SPIRE1: variants seen among roughly 807,000 people sequenced by gnomAD.
SPIRE1 encodes spire type actin nucleation factor 1.
SPIRE1 carries 40 observed loss-of-function variants against 94.1 expected under a neutral mutation model. That is an observed-to-expected ratio of 0.43 (90% CI 0.33 to 0.55). The LOEUF is 0.55. Among genes scored for constraint, SPIRE1 ranks in the 20% least tolerant of loss-of-function variants. The pLI is 0.06. For missense variants in SPIRE1, 838 were observed against 975.2 expected, an observed-to-expected ratio of 0.86 and a Z score of 1.87; for synonymous variants, 376 against 371.7, an observed-to-expected ratio of 1.01 and a Z score of -0.13.
chr18:12,583,607 A>G (rs1251249412), intron 2 of SPIRE1, among the ~76,000 whole-genome samples: 1 of 151,682 alleles, frequency 6.6e-6, no homozygotes, highest in African/African-American at 2.4e-5. Flanking sequence ...TCTCCAAAAA[A>G]GAAGAAGAAG....
At chr18:12,551,593 T>G (rs544920540) in intron 2 of SPIRE1, among the ~76,000 whole-genome samples, 19 of 151,834 alleles carry the variant, frequency 1.3e-4, no homozygotes, top group African/African-American at 3.9e-4. Context: ...TAGTCCCAGC[T>G]ACTCAGGAGG....
chr18:12,640,079 C>A (rs1171812252), intron 1 of SPIRE1, among the ~76,000 whole-genome samples: 3 of 152,140 alleles, frequency 2.0e-5, no homozygotes, highest in Admixed American at 1.3e-4. Context: ...GATCATTTCA[C>A]CATGGGTCTG....
At chr18:12,494,022 A>T (rs1027778795) in intron 7 of SPIRE1, among the ~76,000 whole-genome samples, 1 of 152,040 alleles carries the variant, frequency 6.6e-6, no homozygotes, top group Non-Finnish European at 1.5e-5. Context: ...CGTCTACCTC[A>T]GCCTCCTGAG....
At chr18:12,476,780 C>T (rs1005820407) in intron 10 of SPIRE1, among the ~76,000 whole-genome samples, 8 of 151,752 alleles carry the variant, frequency 5.3e-5, no homozygotes, top group African/African-American at 1.9e-4. Flanking sequence ...TACTTAAAAA[C>T]ATCAATTTTA....
rs1555634099 is a variant in SPIRE1, at chr18:12,626,887, T to TATA, written c.372+8174_372+8175insTAT. 5.7e-3 allele frequency among the ~76,000 whole-genome samples: 303 copies of TATA among 53,500 alleles called. 1 individual carries two copies. Among genetic ancestry groups the TATA allele is most frequent in the Middle Eastern group, 0.034 (2 of 58 alleles). The allele number at this position is 53,500 out of a possible 152,430, so 35.1% of individuals were successfully genotyped here. On this transcript the variant is annotated intron_variant, in intron 2 of 16. Transcript: ENST00000409402. The stretch of plus-strand genomic sequence containing the variant: ...TGTAAAATATATATATATATATATA[T>TATA]TTTTTTTTTTTTTTTGCCCAGAGGA...
At chr18:12,633,663 C>T (rs1445896469) in intron 2 of SPIRE1, among the ~76,000 whole-genome samples, 1 of 151,980 alleles carries the variant, frequency 6.6e-6, no homozygotes, top group Non-Finnish European at 1.5e-5. Context: ...AATATAATCC[C>T]TTGGGAAGCC....
At chr18:12,596,460 A>G (rs1465491547) in intron 2 of SPIRE1, among the ~76,000 whole-genome samples, 1 of 152,206 alleles carries the variant, frequency 6.6e-6, no homozygotes, top group African/African-American at 2.4e-5. Flanking sequence ...CACTTTGAGT[A>G]CTTAAACCTC....
intron 2 of SPIRE1, among the ~76,000 whole-genome samples, chr18:12,590,111 G>C (rs897490734): frequency 6.9e-6 from 1 of 145,638 alleles, no homozygotes; most frequent in African/African-American, 2.6e-5. Context: ...TTTTGAGACG[G>C]AGTTTCACTC....
intron 1 of SPIRE1, among the ~76,000 whole-genome samples, chr18:12,644,047 A>AT (rs1031251831): frequency 7.1e-6 from 1 of 141,256 alleles, no homozygotes; most frequent in African/African-American, 2.5e-5. Flanking sequence ...AAAAAAAAAA[A>AT]AATTAGCTGG....
chr18:12,620,889 C>A (rs145211283), intron 2 of SPIRE1, among the ~76,000 whole-genome samples: 2,287 of 152,038 alleles, frequency 0.015, 16 homozygotes, highest in Middle Eastern at 0.031. Context: ...AAAATATTGG[C>A]AAATCATGTA....
At chr18:12,629,532 G>C (rs1033525764) in intron 2 of SPIRE1, among the ~76,000 whole-genome samples, 1 of 152,138 alleles carries the variant, frequency 6.6e-6, no homozygotes, top group Admixed American at 6.5e-5. Flanking sequence ...ACTAGGAAGG[G>C]AGAAATATGG....
chr18:12,569,309 C>G (rs1054006798), intron 2 of SPIRE1, among the ~76,000 whole-genome samples: 2 of 149,584 alleles, frequency 1.3e-5, no homozygotes, highest in Non-Finnish European at 3.0e-5. Context: ...CCAATGCACT[C>G]CTGCCTGGGC....
chr18:12,488,612 C>T lies in SPIRE1; in HGVS notation c.1190-2612G>A, dbSNP rs114040510. On this transcript the variant is annotated intron_variant, in intron 8 of 16. Coordinates refer to ENST00000409402, the MANE Select transcript of SPIRE1 (RefSeq NM_001128626.2). ...AAAGCTCAATATTAAAAAAAAATGACGTGAAGGAAAAGTACTTATTTACAT... is the reference window on the plus strand; with the variant it reads ...AAAGCTCAATATTAAAAAAAAATGATGTGAAGGAAAAGTACTTATTTACAT... Among the ~76,000 whole-genome samples the T allele has an allele frequency of 8.2e-3, 1,246 of 151,870 alleles. 23 individuals carry two copies. Among genetic ancestry groups the T allele is most frequent in the African/African-American group, 0.028 (1,145 of 41,390 alleles).
intron 2 of SPIRE1, among the ~76,000 whole-genome samples, chr18:12,606,738 C>T (rs142174202): frequency 5.9e-5 from 9 of 152,236 alleles, no homozygotes; most frequent in African/African-American, 2.2e-4. Flanking sequence ...GCCATGTTGG[C>T]CAGGCTGCTC....
At chr18:12,560,534 A>T (rs1397811269) in intron 2 of SPIRE1, among the ~76,000 whole-genome samples, 1 of 152,220 alleles carries the variant, frequency 6.6e-6, no homozygotes, top group East Asian at 1.9e-4. Flanking sequence ...GCTAAAAATT[A>T]AAACAATTGA....
chr18:12,567,877 T>C lies in SPIRE1; in HGVS notation c.373-20973A>G, dbSNP rs577396324. Among the ~76,000 whole-genome samples, 13 of 152,334 alleles carry C rather than the reference T, an allele frequency of 8.5e-5. No homozygotes were observed. The East Asian group carries it at 2.3e-3, about 27-fold the overall frequency. ...ACAAATCAAGTAAGAATTTACTACG[T>C]TTCCCATTTCACTTCTAGAAATGCC... On this transcript the variant is annotated intron_variant, in intron 2 of 16. Coordinates refer to ENST00000409402, the MANE Select transcript of SPIRE1 (RefSeq NM_001128626.2).
chr18:12,513,055 T>TA (rs2034086906), intron 4 of SPIRE1, among the ~76,000 whole-genome samples: 1 of 152,166 alleles, frequency 6.6e-6, no homozygotes, highest in South Asian at 2.1e-4. Flanking sequence ...ATTATACCTC[T>TA]AACAGCTCTT....
At chr18:12,535,406 T>C in intron 4 of SPIRE1, 70 bp downstream of exon 4, 1 of 1,516,286 alleles carries the variant, frequency 6.6e-7, no homozygotes, top group Non-Finnish European at 9.0e-7. Flanking sequence ...AATTTAGGTT[T>C]CTCTTCCAAC....
At chr18:12,581,398 C>T (rs1354636753) in intron 2 of SPIRE1, among the ~76,000 whole-genome samples, 2 of 151,838 alleles carry the variant, frequency 1.3e-5, no homozygotes, top group Non-Finnish European at 2.9e-5. Flanking sequence ...GTATAATTTC[C>T]GTTTTGAAAA....
Sources: allele counts gnomAD v4.1 joint callset (sites outside exome capture counted in the v4.1 genomes callset), GRCh38; gene constraint gnomAD v4.1.1; transcripts MANE v1.5; gene names NCBI Gene and HGNC (gene_info 2026-07-23, HGNC 2026-07-21).